Variants in KDM2A observed in about 807,000 individuals in gnomAD.
KDM2A encodes the protein lysine demethylase 2A, also known as lysine-specific demethylase 2A.
In KDM2A, 3 loss-of-function variants were observed where a neutral mutation model predicts 137.3. That is an observed-to-expected ratio of 0.02 (90% CI 0.01 to 0.06). The LOEUF (loss-of-function observed/expected upper bound fraction) is 0.06, where lower values mean the gene tolerates loss of function less well. Ranked by LOEUF, KDM2A falls within the 10% of genes least tolerant of loss-of-function variation. The pLI is 1.00. For synonymous variants in KDM2A, 512 were observed against 541.5 expected, an observed-to-expected ratio of 0.95 and a Z score of 0.76; for missense variants, 738 against 1,510.6, an observed-to-expected ratio of 0.49 and a Z score of 8.48.
At chr11:67,130,589 C>T (rs191101428) in intron 2 of KDM2A, among the ~76,000 whole-genome samples, 126 of 152,250 alleles carry the variant, frequency 8.3e-4, no homozygotes, top group African/African-American at 2.9e-3. Context: ...GGAATTGATA[C>T]ATTATGTATA....
At chr11:67,174,794 G>GT (rs1856944989) in intron 2 of KDM2A, among the ~76,000 whole-genome samples, 1 of 152,152 alleles carries the variant, frequency 6.6e-6, no homozygotes, top group Non-Finnish European at 1.5e-5. Context: ...AAAGTAATTT[G>GT]TTGTTGGTTA....
At chr11:67,190,405 C>T (rs941415223) in intron 5 of KDM2A, among the ~76,000 whole-genome samples, 4 of 151,422 alleles carry the variant, frequency 2.6e-5, no homozygotes, top group Non-Finnish European at 2.9e-5. Context: ...AGCAAACCTC[C>T]GACTCAAAAA....
chr11:67,199,922 G>A (rs976951158), intron 5 of KDM2A, among the ~76,000 whole-genome samples: 1 of 152,146 alleles, frequency 6.6e-6, no homozygotes, highest in African/African-American at 2.4e-5. Context: ...AGGGGCTAAT[G>A]CAGCTGGTGA....
rs1224161001 is a variant in KDM2A at position 67,184,634 on chromosome 11, G to C, written c.307+2742G>C. Among the ~76,000 whole-genome samples the C allele has an allele frequency of 4.6e-5, 7 of 152,206 alleles. No individual in the cohort carries two copies. The East Asian group carries it at 1.3e-3, about 29-fold the overall frequency. On this transcript the variant is annotated intron_variant, in intron 5 of 20. Transcript: ENST00000529006. ...AGAGCGAGACTCATCTCAAAAAAAG[G>C]TGAGTGGAGGGTGGCTATTGCCCAC...
At chr11:67,122,382 A>G (rs1211627488) in intron 2 of KDM2A, among the ~76,000 whole-genome samples, 1 of 152,134 alleles carries the variant, frequency 6.6e-6, no homozygotes, top group African/African-American at 2.4e-5. Flanking sequence ...CTTGGAGTGC[A>G]GTGGCGTGAT....
rs1367214929 is a variant in KDM2A at position 67,166,394 on chromosome 11, C to T, written c.43-13685C>T. ...AGAGACAGGATTTTGTCAGGTTGGC[C>T]AGGCTGGTCTCGAACTCCTGACCTC... On this transcript the variant is annotated intron_variant, in intron 2 of 20. Coordinates refer to ENST00000529006, the MANE Select transcript of KDM2A (RefSeq NM_012308.3). Among the ~76,000 whole-genome samples, 3 of 151,964 alleles carry T rather than the reference C, an allele frequency of 2.0e-5. No homozygotes were observed. In the East Asian group the frequency reaches 5.8e-4, roughly 29 times the overall value.
At chr11:67,166,166 C>T (rs536808831) in intron 2 of KDM2A, among the ~76,000 whole-genome samples, 11 of 149,914 alleles carry the variant, frequency 7.3e-5, no homozygotes, top group Admixed American at 2.7e-4. Context: ...GGTTGACTTT[C>T]AGGAGAAACA....
chr11:67,235,460 AC>A (rs1686812053), intron 12 of KDM2A, among the ~76,000 whole-genome samples: 1 of 150,836 alleles, frequency 6.6e-6, no homozygotes, highest in South Asian at 2.1e-4. Flanking sequence ...ATGCACCACC[AC>A]CCTGGCTAAT....
chr11:67,205,019 A>G (rs1160564812), intron 5 of KDM2A, among the ~76,000 whole-genome samples: 1 of 152,218 alleles, frequency 6.6e-6, no homozygotes, highest in Non-Finnish European at 1.5e-5. Context: ...ATATATGCCT[A>G]GAAGTGGAAT....
chr11:67,231,439 A>T, intron 11 of KDM2A, 127 bp from the exon 12 acceptor site: 1 of 855,728 alleles, frequency 1.2e-6, no homozygotes, highest in Non-Finnish European at 1.8e-6. Context: ...ATAAAGATAG[A>T]CCATTTTTTT....
At chr11:67,181,257 T>C in intron 3 of KDM2A, 63 bp from the exon 4 acceptor site, 2 of 1,056,088 alleles carry the variant, frequency 1.9e-6, no homozygotes, top group South Asian at 2.8e-5. Context: ...GGATCCTTTT[T>C]ATGGTCCTTT....
chr11:67,169,637 A>C (rs1856830810), intron 2 of KDM2A, among the ~76,000 whole-genome samples: 1 of 149,480 alleles, frequency 6.7e-6, no homozygotes, highest in African/African-American at 2.5e-5. Flanking sequence ...CAGCCTCCCA[A>C]AGTGCTGAGA....
intron 13 of KDM2A, chr11:67,243,792 G>A (rs1200493904): frequency 6.6e-6 from 1 of 152,170 alleles, no homozygotes; most frequent in Non-Finnish European, 1.5e-5. Context: ...TTCAGCCTGG[G>A]GGACAAGAGC....
chr11:67,214,527 C>T (rs184829791), intron 6 of KDM2A, among the ~76,000 whole-genome samples: 43 of 152,124 alleles, frequency 2.8e-4, no homozygotes, highest in Admixed American at 1.0e-3. Flanking sequence ...TTAGTAGAGA[C>T]GGGATTTCTC....
intron 2 of KDM2A, among the ~76,000 whole-genome samples, chr11:67,161,751 C>G (rs1442874673): frequency 6.6e-6 from 1 of 152,132 alleles, no homozygotes; most frequent in East Asian, 1.9e-4. Context: ...ATTTTCATAA[C>G]AGTACTATTA....
intron 6 of KDM2A, among the ~76,000 whole-genome samples, chr11:67,212,476 G>A (rs1238600218): frequency 6.6e-6 from 1 of 152,092 alleles, no homozygotes; most frequent in East Asian, 1.9e-4. Flanking sequence ...ACATTTGTTT[G>A]GTGATGGGGA....
At chr11:67,206,609 G>T (rs1292156704) in intron 5 of KDM2A, among the ~76,000 whole-genome samples, 5 of 152,228 alleles carry the variant, frequency 3.3e-5, no homozygotes, top group African/African-American at 9.6e-5. Flanking sequence ...AGTGGCGTGT[G>T]CCTGTAGTCC....
At chr11:67,180,373 C>G (rs150452553) in intron 3 of KDM2A, 156 bp downstream of exon 3, 1 of 630,386 alleles carries the variant, frequency 1.6e-6, no homozygotes, top group African/African-American at 1.9e-5. Context: ...ATGCACTTAT[C>G]CCCCAGTCCT....
At chr11:67,148,625 AC>A (rs1404092490) in intron 2 of KDM2A, among the ~76,000 whole-genome samples, 3 of 151,996 alleles carry the variant, frequency 2.0e-5, no homozygotes, top group African/African-American at 7.2e-5. Flanking sequence ...ACATGGTGAA[AC>A]ACAGTCTCTA....
Sources: gnomAD v4.1 joint callset for allele counts (sites outside exome capture counted in the v4.1 genomes callset) on GRCh38, gnomAD v4.1.1 for gene constraint, MANE v1.5 for transcripts, NCBI Gene and HGNC (gene_info 2026-07-23, HGNC 2026-07-21) for gene names.